CREM: variants seen among roughly 807,000 people sequenced by gnomAD.
The protein encoded by CREM is cAMP-responsive element modulator.
Under a neutral mutation model 37.3 loss-of-function variants are expected in CREM, and 13 were observed. The ratio of observed to expected loss-of-function variants is 0.35; its 90% CI spans 0.23 to 0.55. The LOEUF is 0.55. Among genes scored for constraint, CREM ranks in the 20% least tolerant of loss-of-function variants. The probability of loss-of-function intolerance (pLI) is 0.88; values close to 1 mark genes in which losing one functional copy is unlikely to be tolerated. For synonymous variants in CREM, 124 were observed against 120.2 expected, an observed-to-expected ratio of 1.03 and a Z score of -0.21; for missense variants, 296 against 362.3, an observed-to-expected ratio of 0.82 and a Z score of 1.49.
At chr10:35,165,682 G>A (rs1359840219) in intron 3 of CREM, among the ~76,000 whole-genome samples, 2 of 151,528 alleles carry the variant, frequency 1.3e-5, no homozygotes, top group East Asian at 3.9e-4. Flanking sequence ...CTTCTATAAA[G>A]GTCATGTCCA....
At chr10:35,128,630 A>G (rs2088592458) in intron 1 of CREM, among the ~76,000 whole-genome samples, 2 of 147,822 alleles carry the variant, frequency 1.4e-5, no homozygotes, top group African/African-American at 5.1e-5. Context: ...GGTTCACGCC[A>G]TTCTCCTGCC....
intron 1 of CREM, among the ~76,000 whole-genome samples, chr10:35,133,720 A>G (rs2089895384): frequency 1.3e-5 from 2 of 152,246 alleles, no homozygotes; most frequent in African/African-American, 4.8e-5. Context: ...TAGTCATTTC[A>G]TCTAATGTAC....
chr10:35,176,818 G>A (rs12769484), intron 3 of CREM, among the ~76,000 whole-genome samples: 45,474 of 151,846 alleles, frequency 0.3, 7,220 homozygotes, highest in South Asian at 0.35. Flanking sequence ...CATAATTCTT[G>A]GTAAGATGAT....
chr10:35,211,444 GC>G lies in CREM; in HGVS notation c.*47del. ...GTTTACTCTAATCAAGGCAGGAGAT[GC>G]AGCAGTCCTACTTATTGCCATGTGG... On this transcript the variant is annotated 3_prime_UTR_variant, in exon 8 of 8. Coordinates refer to ENST00000685392, the MANE Select transcript of CREM (RefSeq NM_183011.2). 6.3e-7 allele frequency: 1 copy of G among 1,592,902 alleles called. No individual in the cohort carries two copies. The highest frequency in any genetic ancestry group is 8.6e-7 in the Non-Finnish European group (1 of 1,169,220).
intron 3 of CREM, among the ~76,000 whole-genome samples, chr10:35,178,143 T>G (rs1482899265): frequency 6.6e-6 from 1 of 152,238 alleles, no homozygotes; most frequent in Non-Finnish European, 1.5e-5. Context: ...AAAGTATTAA[T>G]AATTGACTGA....
At chr10:35,132,503 C>G (rs1589183001) in intron 1 of CREM, among the ~76,000 whole-genome samples, 2 of 152,106 alleles carry the variant, frequency 1.3e-5, no homozygotes, top group Non-Finnish European at 2.9e-5. Context: ...AGCCGTGAAT[C>G]TATATTAGAG....
chr10:35,170,721 G>A (rs2093772152), intron 3 of CREM, among the ~76,000 whole-genome samples: 1 of 152,156 alleles, frequency 6.6e-6, no homozygotes, highest in Non-Finnish European at 1.5e-5. Flanking sequence ...ATGGTAGTTT[G>A]TAATTCTGTG....
intron 3 of CREM, among the ~76,000 whole-genome samples, chr10:35,175,338 C>T (rs919142022): frequency 6.6e-6 from 1 of 152,040 alleles, no homozygotes; most frequent in Non-Finnish European, 1.5e-5. Flanking sequence ...CCCAGCTACT[C>T]AGGAGGCTGA....
At chr10:35,182,686 A>T (rs2094402022) in intron 5 of CREM, among the ~76,000 whole-genome samples, 1 of 152,202 alleles carries the variant, frequency 6.6e-6, no homozygotes. Context: ...ATTATCACAA[A>T]AACTAAAAAG....
chr10:35,137,100 C>T lies in CREM; in HGVS notation c.-54-682C>T, dbSNP rs567837284. 2.0e-5 allele frequency among the ~76,000 whole-genome samples: 3 copies of T among 152,260 alleles called. No individual in the cohort carries two copies. The East Asian group carries it at 5.8e-4, about 29-fold the overall frequency. On this transcript the variant is annotated intron_variant, in intron 1 of 7. Transcript: ENST00000685392. ...CAGTGCTGGGATTACAGGTGTGAGC[C>T]ACCATGTCTGGCTCAAATGTTCTTT...
At chr10:35,170,245 G>A (rs184385750) in intron 3 of CREM, among the ~76,000 whole-genome samples, 15 of 152,246 alleles carry the variant, frequency 9.9e-5, no homozygotes, top group Non-Finnish European at 1.9e-4. Context: ...GATTACAGGC[G>A]TGAGCCACTG....
intron 3 of CREM, chr10:35,175,819 C>T (rs2094035595): frequency 2.5e-6 from 4 of 1,607,692 alleles, no homozygotes; most frequent in Non-Finnish European, 3.4e-6. Context: ...AAAAAAGGTC[C>T]AGCTTTAATC....
Position 35,178,880 on chromosome 10 carries a change from G to A in CREM, c.169-9G>A. The A allele has an allele frequency of 6.3e-7, 1 of 1,596,926 alleles. No individual in the cohort carries two copies. Among genetic ancestry groups the A allele is most frequent in the East Asian group, 2.2e-5 (1 of 44,800 alleles). ...TTTATGATACATTTCAGAAAATCTT[G>A]TATTATAGGTAGCAGCAATTGCAGA... On this transcript the variant is annotated splice_polypyrimidine_tract_variant and intron_variant, in intron 3 of 7. Transcript: ENST00000685392.
intron 2 of CREM, among the ~76,000 whole-genome samples, chr10:35,141,689 G>A (rs867299510): frequency 4.6e-5 from 7 of 152,266 alleles, no homozygotes; most frequent in Middle Eastern, 3.4e-3. Flanking sequence ...GAGAAGAGAC[G>A]TCTGGCCTAG....
intron 1 of CREM, among the ~76,000 whole-genome samples, chr10:35,136,186 ATTAC>A (rs2090483654): frequency 6.8e-6 from 1 of 146,884 alleles, no homozygotes; most frequent in Non-Finnish European, 1.5e-5. Context: ...ACAAGAATGT[ATTAC>A]TTATTCAGCA....
At chr10:35,143,160 G>A (rs1221181647) in intron 2 of CREM, among the ~76,000 whole-genome samples, 15 of 152,024 alleles carry the variant, frequency 9.9e-5, no homozygotes, top group Admixed American at 7.9e-4. Flanking sequence ...TAGTAGAGAC[G>A]GGGTTTCACC....
intron 1 of CREM, among the ~76,000 whole-genome samples, chr10:35,127,794 C>T (rs1409836642): frequency 6.6e-6 from 1 of 152,194 alleles, no homozygotes; most frequent in Non-Finnish European, 1.5e-5. Context: ...CTTTTTAGGG[C>T]CATCTGGTAA....
At chr10:35,210,065 T>TA (rs111305829) in intron 7 of CREM, among the ~76,000 whole-genome samples, 7,219 of 142,338 alleles carry the variant, frequency 0.051, 222 homozygotes, top group African/African-American at 0.1. Context: ...TCAGCTATCT[T>TA]AAAAAAAAAA....
Position 35,148,450 on chromosome 10 carries a change from C to T in CREM, c.127C>T (p.Gln43Ter), listed in dbSNP as rs759370583. 1 of 1,613,418 alleles carries T rather than the reference C, an allele frequency of 6.2e-7. No individual in the cohort carries two copies. Among genetic ancestry groups the T allele is most frequent in the East Asian group, 2.2e-5 (1 of 44,818 alleles). ...GACAGAGAGCAAGTCTGCTCATGTG[C>T]AGACTCAGACTGGCCAAAATTCAAT... ...SLTESKSAHV[Q>*]TQTGQNSIPA... The change falls in exon 3 of 8, where the codon CAG (glutamine) becomes TAG (stop). Residue 43 changes from glutamine (Q) to a stop codon, truncating the protein, a stop_gained. Transcript: ENST00000685392. LOFTEE classifies it high-confidence loss of function.
Sources: gnomAD v4.1 joint callset for allele counts (sites outside exome capture counted in the v4.1 genomes callset) on GRCh38, gnomAD v4.1.1 for gene constraint, MANE v1.5 for transcripts, NCBI Gene and HGNC (gene_info 2026-07-23, HGNC 2026-07-21) for gene names.